PPARG: variants seen among roughly 807,000 people sequenced by gnomAD.
The protein encoded by PPARG is peroxisome proliferator activated receptor gamma, also known as peroxisome proliferator-activated receptor gamma.
PPARG carries 17 observed loss-of-function variants against 39.2 expected under a neutral mutation model. The observed-to-expected ratio is 0.43, with a 90% CI of 0.30 to 0.65. PPARG has a LOEUF of 0.65. Ranked by LOEUF, PPARG falls within the 30% of genes least tolerant of loss-of-function variation. The probability of loss-of-function intolerance (pLI) is 0.13; values close to 1 mark genes in which losing one functional copy is unlikely to be tolerated. For synonymous variants in PPARG, 223 were observed against 215.7 expected (o/e 1.03, Z -0.30); for missense variants, 406 against 585.9 (o/e 0.69, Z 3.17).
At chr3:12,340,679 C>G (rs892626835) in intron 2 of PPARG, among the ~76,000 whole-genome samples, 1 of 152,164 alleles carries the variant, frequency 6.6e-6, no homozygotes, top group African/African-American at 2.4e-5. Flanking sequence ...AGTCCACAAA[C>G]CTGTCAGGAA....
At chr3:12,288,035 G>T (rs986008980), upstream of PPARG, 1 of 152,046 alleles carries the variant, frequency 6.6e-6, no homozygotes, top group African/African-American at 2.4e-5. Context: ...GAGTACGGGT[G>T]CCCGCGGCGC....
chr3:12,334,829 T>A (rs968795655), intron 2 of PPARG, among the ~76,000 whole-genome samples: 5 of 152,230 alleles, frequency 3.3e-5, no homozygotes, highest in Non-Finnish European at 5.9e-5. Context: ...ATCTCTGTTA[T>A]CCTACCATCT....
chr3:12,400,087 G>T (rs1452094455), intron 5 of PPARG, among the ~76,000 whole-genome samples: 1 of 151,952 alleles, frequency 6.6e-6, no homozygotes, highest in East Asian at 1.9e-4. Context: ...TAGAAAAATT[G>T]ACCATAAGAC....
chr3:12,332,482 C>A (rs1433822858), intron 2 of PPARG, among the ~76,000 whole-genome samples: 1 of 152,190 alleles, frequency 6.6e-6, no homozygotes, highest in East Asian at 1.9e-4. Flanking sequence ...CCCATTTGTT[C>A]TAAAGGTAGA....
chr3:12,392,858 G>T, intron 5 of PPARG, 106 bp downstream of exon 5: 3 of 1,394,740 alleles, frequency 2.2e-6, no homozygotes, highest in Admixed American at 1.8e-5. Flanking sequence ...TCCACCAAAT[G>T]CCAGAATTTA....
chr3:12,339,565 A>G lies in PPARG; in HGVS notation c.-9+27112A>G, dbSNP rs1040207677. On this transcript the variant is annotated intron_variant, in intron 2 of 7. Coordinates refer to ENST00000651735, the MANE Select transcript of PPARG (RefSeq NM_138711.6). ...GATATTTTCGCCCTTGACCCTTCCA[A>G]GGTCAGAAGACACAGCTGAAAAAAT... Among the ~76,000 whole-genome samples, 4 of 152,312 alleles carry G rather than the reference A, an allele frequency of 2.6e-5. 1 individual carries two copies. Among genetic ancestry groups the G allele is most frequent in the Admixed American group, 2.6e-4 (4 of 15,302 alleles).
intron 1 of PPARG, among the ~76,000 whole-genome samples, chr3:12,308,722 T>C (rs1416547571): frequency 6.6e-6 from 1 of 152,102 alleles, no homozygotes; most frequent in Non-Finnish European, 1.5e-5. Flanking sequence ...ACCACAAAAA[T>C]TGGCAAACAC....
chr3:12,291,634 G>A (rs559021998), intron 1 of PPARG, among the ~76,000 whole-genome samples: 5 of 152,282 alleles, frequency 3.3e-5, no homozygotes, highest in Admixed American at 1.3e-4. Context: ...AATAGGCCAT[G>A]TTTTGGGGAA....
chr3:12,288,611 G>T (rs1246249220), upstream of PPARG, among the ~76,000 whole-genome samples: 3 of 151,832 alleles, frequency 2.0e-5, no homozygotes, highest in Non-Finnish European at 4.4e-5. Flanking sequence ...AGGAGGTCCC[G>T]TTCGCTGTCC....
At chr3:12,295,972 C>T (rs1438047597) in intron 1 of PPARG, among the ~76,000 whole-genome samples, 1 of 152,084 alleles carries the variant, frequency 6.6e-6, no homozygotes, top group South Asian at 2.1e-4. Context: ...GAAGAAAGAG[C>T]TGGTCATGGT....
chr3:12,366,821 C>T (rs1349000199), intron 2 of PPARG, among the ~76,000 whole-genome samples: 1 of 152,120 alleles, frequency 6.6e-6, no homozygotes, highest in African/African-American at 2.4e-5. Context: ...AAGATTTCTG[C>T]ATGTCTGTCC....
chr3:12,387,858 A>G (rs562908449), intron 4 of PPARG, among the ~76,000 whole-genome samples: 45 of 138,600 alleles, frequency 3.2e-4, no homozygotes, highest in East Asian at 2.1e-4. Flanking sequence ...TAGGTCTTAC[A>G]TTTAAGTCTT....
At position 12,406,689 on chromosome 3, in the gene PPARG, A is replaced by G. The variant is rs2050685707; in HGVS notation, c.729+608A>G. On this transcript the variant is annotated intron_variant, in intron 6 of 7. Transcript: ENST00000651735. Reference sequence around the variant, plus strand: ...CGAGTAGCTGGGATTACAGGTGTGCACGACCATGCCTGGCTAATCTTTGTA... The same window carrying G: ...CGAGTAGCTGGGATTACAGGTGTGCGCGACCATGCCTGGCTAATCTTTGTA... 3 of 156,074 alleles carry G rather than the reference A, an allele frequency of 1.9e-5. No individual in the cohort carries two copies. The South Asian group carries it at 5.7e-4, about 30-fold the overall frequency. 9.7% of individuals were successfully genotyped at this position (156,074 alleles called of 1,614,324 possible). A position where few individuals can be genotyped will look rare whatever the true frequency, so the allele number is the denominator to read the frequency against.
intron 7 of PPARG, among the ~76,000 whole-genome samples, chr3:12,428,265 A>G (rs1419031888): frequency 6.6e-6 from 1 of 152,222 alleles, no homozygotes; most frequent in East Asian, 1.9e-4. Flanking sequence ...GTGCTCTGTA[A>G]TCAATTCCAG....
intron 4 of PPARG, among the ~76,000 whole-genome samples, chr3:12,383,091 A>C (rs867319512): frequency 3.9e-5 from 6 of 152,232 alleles, no homozygotes; most frequent in African/African-American, 1.4e-4. Flanking sequence ...GAAAAGGGAC[A>C]AACCAGAGGT....
chr3:12,428,330 G>A (rs2051530400), intron 7 of PPARG, among the ~76,000 whole-genome samples: 1 of 152,236 alleles, frequency 6.6e-6, no homozygotes, highest in East Asian at 1.9e-4. Flanking sequence ...ACAGCCTGGG[G>A]AGTAGGGAAC....
intron 2 of PPARG, among the ~76,000 whole-genome samples, chr3:12,334,431 A>G (rs1212049225): frequency 1.3e-5 from 2 of 151,930 alleles, no homozygotes; most frequent in Non-Finnish European, 2.9e-5. Context: ...GGTTTTCGCC[A>G]TGTTGTCCAG....
chr3:12,351,612 A>G (rs1447983492), intron 2 of PPARG: 3 of 1,609,368 alleles, frequency 1.9e-6, no homozygotes, highest in Non-Finnish European at 2.6e-6. Context: ...ACTCTGGGAG[A>G]TTCTCCTATT....
At chr3:12,349,497 A>G (rs563361558) in intron 2 of PPARG, among the ~76,000 whole-genome samples, 1 of 152,354 alleles carries the variant, frequency 6.6e-6, no homozygotes, top group East Asian at 1.9e-4. Context: ...GTATGCTGCC[A>G]AAAGTGTAAG....
Sources: gnomAD v4.1 joint callset for allele counts (sites outside exome capture counted in the v4.1 genomes callset) on GRCh38, gnomAD v4.1.1 for gene constraint, MANE v1.5 for transcripts, NCBI Gene and HGNC (gene_info 2026-07-23, HGNC 2026-07-21) for gene names.